Variants in KAZN observed in about 807,000 individuals in gnomAD.
KAZN encodes the protein kazrin, periplakin interacting protein.
A neutral mutation model predicts 87.4 loss-of-function variants in KAZN; 40 were observed. That is an observed-to-expected ratio of 0.46 (90% CI 0.36 to 0.60). The LOEUF is 0.60. Ranked by LOEUF, KAZN falls within the 20% of genes least tolerant of loss-of-function variation. The pLI, the probability that KAZN is intolerant of heterozygous loss-of-function variation, is 0.00. For missense variants in KAZN, 898 were observed against 1,073.9 expected, an observed-to-expected ratio of 0.84 and a Z score of 2.29; for synonymous variants, 466 against 458.3, an observed-to-expected ratio of 1.02 and a Z score of -0.22.
At chr1:14,889,029 A>C (rs1654422235) in intron 1 of KAZN, among the ~76,000 whole-genome samples, 1 of 152,190 alleles carries the variant, frequency 6.6e-6, no homozygotes, top group Non-Finnish European at 1.5e-5. Context: ...AATCGCAAAA[A>C]CATCTCATAG....
chr1:14,290,082 C>T (rs574390741), intron 2 of KAZN, among the ~76,000 whole-genome samples: 11 of 152,230 alleles, frequency 7.2e-5, no homozygotes, highest in South Asian at 2.1e-4. Context: ...GTGGGTAACC[C>T]GACCTTTCTC....
intron 1 of KAZN, among the ~76,000 whole-genome samples, chr1:13,947,290 G>A (rs967774155): frequency 1.3e-5 from 2 of 152,190 alleles, no homozygotes; most frequent in African/African-American, 2.4e-5. Context: ...CAGCTCTTAC[G>A]GGAACTCACT....
At chr1:15,028,018 C>T (rs1671341957) in intron 2 of KAZN, among the ~76,000 whole-genome samples, 1 of 152,182 alleles carries the variant, frequency 6.6e-6, no homozygotes, top group African/African-American at 2.4e-5. Flanking sequence ...AGTTTGTCTC[C>T]ACTGGGCATT....
chr1:14,220,040 A>T (rs567515398), intron 2 of KAZN, among the ~76,000 whole-genome samples: 11 of 152,264 alleles, frequency 7.2e-5, no homozygotes, highest in African/African-American at 2.6e-4. Flanking sequence ...CTTCTGAACA[A>T]CCAGGGTGCC....
intron 1 of KAZN, among the ~76,000 whole-genome samples, chr1:14,768,579 C>G (rs1453654297): frequency 6.6e-6 from 1 of 152,172 alleles, no homozygotes; most frequent in African/African-American, 2.4e-5. Context: ...CAAGGTCTCC[C>G]AGCCCTCCCT....
chr1:14,050,457 C>A (rs1002105171), intron 1 of KAZN, among the ~76,000 whole-genome samples: 2 of 152,090 alleles, frequency 1.3e-5, no homozygotes, highest in Admixed American at 1.3e-4. Context: ...AAACTTACAA[C>A]CATGGCAGAA....
At chr1:15,003,287 G>T (rs67857825) in intron 2 of KAZN, among the ~76,000 whole-genome samples, 1 of 152,004 alleles carries the variant, frequency 6.6e-6, no homozygotes, top group African/African-American at 2.4e-5. Flanking sequence ...AGTGGGTGCC[G>T]GTTAGCTGTT....
At chr1:14,901,106 C>T (rs557755647) in intron 1 of KAZN, among the ~76,000 whole-genome samples, 67 of 152,268 alleles carry the variant, frequency 4.4e-4, no homozygotes, top group Admixed American at 2.2e-3. Context: ...AACAAATGAT[C>T]TCAGGGAAGC....
chr1:14,633,313 T>C (rs545262566), intron 1 of KAZN, among the ~76,000 whole-genome samples: 2 of 152,230 alleles, frequency 1.3e-5, no homozygotes, highest in South Asian at 4.1e-4. Flanking sequence ...TTAAGGATCT[T>C]GAGATGTGGA....
chr1:14,765,073 C>A (rs1378346359), intron 1 of KAZN, among the ~76,000 whole-genome samples: 1 of 152,212 alleles, frequency 6.6e-6, no homozygotes, highest in Non-Finnish European at 1.5e-5. Context: ...TCTCTCTCCA[C>A]GATGCCGGGC....
intron 2 of KAZN, among the ~76,000 whole-genome samples, chr1:14,360,312 A>T (rs1659397328): frequency 6.6e-6 from 1 of 152,156 alleles, no homozygotes; most frequent in Admixed American, 6.5e-5. Context: ...ATTCTTCTAT[A>T]AACTAGTTAT....
intron 1 of KAZN, among the ~76,000 whole-genome samples, chr1:13,951,049 T>C (rs928580021): frequency 1.3e-5 from 2 of 152,210 alleles, no homozygotes; most frequent in Non-Finnish European, 2.9e-5. Flanking sequence ...TCAGCCTTTT[T>C]TCTTTGGCTA....
intron 2 of KAZN, among the ~76,000 whole-genome samples, chr1:14,300,715 C>G (rs1417424955): frequency 6.6e-6 from 1 of 152,154 alleles, no homozygotes; most frequent in Non-Finnish European, 1.5e-5. Flanking sequence ...GAAAGGCAGA[C>G]AGGTTAGGTT....
At chr1:14,473,099 T>C (rs1244162375) in intron 2 of KAZN, among the ~76,000 whole-genome samples, 1 of 152,200 alleles carries the variant, frequency 6.6e-6, no homozygotes, top group Non-Finnish European at 1.5e-5. Flanking sequence ...GATCAGGGAA[T>C]GGAAACATGG....
chr1:15,083,358 C>T (rs994777207), intron 8 of KAZN, among the ~76,000 whole-genome samples: 1 of 152,212 alleles, frequency 6.6e-6, no homozygotes, highest in Non-Finnish European at 1.5e-5. Flanking sequence ...GTGAATGGTG[C>T]ACTGGGCCTG....
At chr1:13,961,458 C>T (rs1200179992) in intron 1 of KAZN, among the ~76,000 whole-genome samples, 1 of 152,084 alleles carries the variant, frequency 6.6e-6, no homozygotes, top group Non-Finnish European at 1.5e-5. Context: ...GGATGGGAGT[C>T]ATTTTGTTTG....
In KAZN at chr1:15,021,052, T is replaced by G. The variant is rs939031058; in HGVS notation, c.419-13697T>G. 1.3e-5 allele frequency among the ~76,000 whole-genome samples: 2 copies of G among 152,134 alleles called. No homozygotes were observed. Among genetic ancestry groups the G allele is most frequent in the African/African-American group, 4.8e-5 (2 of 41,418 alleles). The stretch of plus-strand genomic sequence containing the variant: ...CAGGGGTGAGACCAGTCCATATCAC[T>G]AGGCACCCAGGGCAGCTTCCCGATG... On this transcript the variant is annotated intron_variant, in intron 2 of 14. Transcript: ENST00000376030. This position sits in a 1 kb window ranked among gnomAD's most constrained non-coding sequence, Gnocchi z 4.2.
intron 2 of KAZN, among the ~76,000 whole-genome samples, chr1:14,359,240 G>C (rs10754852): frequency 0.82 from 125,124 of 151,980 alleles, 52,662 homozygotes; most frequent in Non-Finnish European, 0.89. Flanking sequence ...AGGATTACAA[G>C]CCCTGCTTTT....
intron 1 of KAZN, among the ~76,000 whole-genome samples, chr1:13,969,536 G>A (rs1310783520): frequency 6.6e-6 from 1 of 152,108 alleles, no homozygotes; most frequent in Non-Finnish European, 1.5e-5. Flanking sequence ...AGAAGGCAGT[G>A]ACCCTCCTAC....
Sources: gnomAD v4.1 joint callset for allele counts (sites outside exome capture counted in the v4.1 genomes callset) on GRCh38, gnomAD v4.1.1 for gene constraint, Gnocchi (gnomAD v3.1) non-coding constraint, MANE v1.5 for transcripts, NCBI Gene and HGNC (gene_info 2026-07-23, HGNC 2026-07-21) for gene names.